Variants in ADGRL3 observed in about 807,000 individuals in gnomAD.
ADGRL3 encodes adhesion G protein-coupled receptor L3, also known as calcium-independent alpha-latrotoxin receptor 3.
In ADGRL3, 62 loss-of-function variants were observed where a neutral mutation model predicts 153.5. That is an observed-to-expected ratio of 0.40 (90% confidence interval 0.33 to 0.50). The LOEUF (loss-of-function observed/expected upper bound fraction) is 0.50. ADGRL3 is among the 20% of genes least tolerant of loss of function. The probability of loss-of-function intolerance (pLI) is 0.47; values close to 1 mark genes in which losing one functional copy is unlikely to be tolerated. For missense variants in ADGRL3, 1,641 were observed against 1,859.4 expected (o/e 0.88, Z 2.16); for synonymous variants, 710 against 672.5 (o/e 1.06, Z -0.86).
intron 1 of ADGRL3, among the ~76,000 whole-genome samples, chr4:61,364,272 G>T (rs997970020): frequency 8.0e-5 from 12 of 150,622 alleles, no homozygotes; most frequent in Non-Finnish European, 1.3e-4. Flanking sequence ...GGCAGAGATT[G>T]CAGTGAGCCA....
intron 3 of ADGRL3, among the ~76,000 whole-genome samples, chr4:61,513,779 A>C (rs533747875): frequency 6.6e-6 from 1 of 152,218 alleles, no homozygotes; most frequent in African/African-American, 2.4e-5. Context: ...CTAATCAAAT[A>C]TGCAGTTTTT....
chr4:61,677,344 T>C, intron 6 of ADGRL3: 1 of 382,568 alleles, frequency 2.6e-6, no homozygotes, highest in Admixed American at 4.1e-5. Flanking sequence ...CTAAGCTTCA[T>C]CTGCTGTCAA....
intron 4 of ADGRL3, among the ~76,000 whole-genome samples, chr4:61,578,230 C>T (rs142857895): frequency 4.9e-4 from 75 of 152,078 alleles, no homozygotes; most frequent in African/African-American, 1.7e-3. Flanking sequence ...ATGACTTTCT[C>T]GTTCATGCCT....
chr4:61,699,050 A>G (rs1187311873), intron 6 of ADGRL3, among the ~76,000 whole-genome samples: 2 of 152,174 alleles, frequency 1.3e-5, no homozygotes, highest in African/African-American at 4.8e-5. Flanking sequence ...ATTTGGTAAC[A>G]TCTTTCATCT....
intron 1 of ADGRL3, among the ~76,000 whole-genome samples, chr4:61,288,937 G>A (rs929503144): frequency 9.2e-5 from 14 of 151,808 alleles, no homozygotes; most frequent in African/African-American, 3.4e-4. Flanking sequence ...TCCTCAACCA[G>A]GGCACTAATC....
At chr4:61,806,461 G>A (rs1434894865) in intron 8 of ADGRL3, among the ~76,000 whole-genome samples, 1 of 151,644 alleles carries the variant, frequency 6.6e-6, no homozygotes, top group East Asian at 1.9e-4. Flanking sequence ...TAAATAGCAA[G>A]TATTTGTATG....
intron 2 of ADGRL3, among the ~76,000 whole-genome samples, chr4:61,437,093 C>T (rs1008685967): frequency 3.3e-5 from 5 of 151,708 alleles, no homozygotes; most frequent in South Asian, 2.1e-4. Context: ...AGTAGGAAAA[C>T]GGAAGAAGAA....
chr4:61,396,013 A>G (rs1371107533), intron 2 of ADGRL3, among the ~76,000 whole-genome samples: 1 of 151,948 alleles, frequency 6.6e-6, no homozygotes, highest in African/African-American at 2.4e-5. Flanking sequence ...TTGTTATGAG[A>G]CCATAAGTTG....
At chr4:61,397,325 T>C (rs969051531) in intron 2 of ADGRL3, among the ~76,000 whole-genome samples, 4 of 151,872 alleles carry the variant, frequency 2.6e-5, no homozygotes, top group Admixed American at 2.6e-4. Context: ...AAAAAGAAAT[T>C]AAGGAACAAG....
At chr4:61,603,110 T>C (rs1303331215) in intron 5 of ADGRL3, among the ~76,000 whole-genome samples, 1 of 152,228 alleles carries the variant, frequency 6.6e-6, no homozygotes, top group Non-Finnish European at 1.5e-5. Context: ...TGTCTCACGG[T>C]GACATTTCAT....
At chr4:61,805,989 T>G (rs1055853470) in intron 8 of ADGRL3, among the ~76,000 whole-genome samples, 2 of 152,218 alleles carry the variant, frequency 1.3e-5, no homozygotes, top group Non-Finnish European at 2.9e-5. Context: ...TTCCCCAGAA[T>G]TTCAATGTTT....
chr4:61,627,953 G>GA (rs2092930925), intron 5 of ADGRL3, among the ~76,000 whole-genome samples: 1 of 152,144 alleles, frequency 6.6e-6, no homozygotes, highest in African/African-American at 2.4e-5. Flanking sequence ...AGGCTCTACA[G>GA]ATAGGCAGGG....
chr4:61,966,602 G>GTGTGTGTT lies in ADGRL3; in HGVS notation c.2806-12957_2806-12956insTGTTTGTG, dbSNP rs1287886442. Among the ~76,000 whole-genome samples the GTGTGTGTT allele has an allele frequency of 9.5e-4, 143 of 151,128 alleles. 1 individual carries two copies. The highest frequency in any genetic ancestry group is 3.3e-3 in the African/African-American group (135 of 41,418). On this transcript the variant is annotated intron_variant, in intron 17 of 26. Coordinates refer to ENST00000683033, the MANE Select transcript of ADGRL3 (RefSeq NM_001387552.1). Reference sequence around the variant, plus strand: ...TGTGTGTGTGTGTGTGTGTGTGTGTGTGTGAATGAAAACAAACAGGAGAAG... The same window carrying GTGTGTGTT: ...TGTGTGTGTGTGTGTGTGTGTGTGTGTGTGTGTTTGTGAATGAAAACAAACAGGAGAAG...
intron 8 of ADGRL3, chr4:61,775,908 TTTA>T (rs1377041733): frequency 4.7e-5 from 11 of 233,238 alleles, no homozygotes; most frequent in African/African-American, 7.1e-5. Context: ...TATTTATTTA[TTTA>T]TTTTTTTGAG....
chr4:61,702,726 T>A (rs2095790301), intron 6 of ADGRL3, among the ~76,000 whole-genome samples: 1 of 152,172 alleles, frequency 6.6e-6, no homozygotes, highest in Admixed American at 6.5e-5. Context: ...TGGGTACAGT[T>A]ATTGTGTCCA....
intron 25 of ADGRL3, among the ~76,000 whole-genome samples, chr4:62,052,933 A>C (rs1331287510): frequency 6.6e-6 from 1 of 151,346 alleles, no homozygotes; most frequent in Non-Finnish European, 1.5e-5. Context: ...TAAAATTTTT[A>C]TTATTGTATT....
chr4:61,755,695 G>T (rs188043331), intron 8 of ADGRL3, among the ~76,000 whole-genome samples: 1 of 152,040 alleles, frequency 6.6e-6, no homozygotes, highest in Admixed American at 6.6e-5. Context: ...GTCCTTGCCC[G>T]TGCCTATATC....
In ADGRL3 at chr4:61,369,385, T is replaced by G. The variant is rs1449454111; in HGVS notation, c.-239-13739T>G. Among the ~76,000 whole-genome samples the G allele has an allele frequency of 3.3e-5, 5 of 152,310 alleles. No homozygotes were observed. In the East Asian group the frequency reaches 9.6e-4, roughly 29 times the overall value. Reference sequence around the variant, plus strand: ...GTGGGTTTGTCATAGATAGCTCTTATTATTTTGAGATATGTCCCATCAATA... The same window carrying G: ...GTGGGTTTGTCATAGATAGCTCTTAGTATTTTGAGATATGTCCCATCAATA... On this transcript the variant is annotated intron_variant, in intron 1 of 26. Coordinates refer to ENST00000683033, the MANE Select transcript of ADGRL3 (RefSeq NM_001387552.1).
chr4:61,373,944 A>C lies in ADGRL3; in HGVS notation c.-239-9180A>C, dbSNP rs78302959. 7.9e-3 allele frequency among the ~76,000 whole-genome samples: 1,206 copies of C among 152,310 alleles called. 4 individuals are homozygous for C. Among genetic ancestry groups the C allele is most frequent in the Non-Finnish European group, 0.013 (857 of 68,024 alleles). ...CTATAACATATAGACATAAAATATA[A>C]ATACTTAAAAGTAATGTCCTCAAAA... On this transcript the variant is annotated intron_variant, in intron 1 of 26. Coordinates refer to ENST00000683033, the MANE Select transcript of ADGRL3 (RefSeq NM_001387552.1).
Sources: gnomAD v4.1 joint callset for allele counts (sites outside exome capture counted in the v4.1 genomes callset) on GRCh38, gnomAD v4.1.1 for gene constraint, MANE v1.5 for transcripts, NCBI Gene and HGNC (gene_info 2026-07-23, HGNC 2026-07-21) for gene names.